Variants in CDH12 observed in about 807,000 individuals in gnomAD.
The protein encoded by CDH12 is cadherin-12.
A neutral mutation model predicts 74.1 loss-of-function variants in CDH12; 41 were observed. The ratio of observed to expected loss-of-function variants is 0.55; its 90% CI spans 0.43 to 0.72. The LOEUF (loss-of-function observed/expected upper bound fraction) is 0.72, where lower values mean the gene tolerates loss of function less well. Ranked by LOEUF, CDH12 falls within the 30% of genes least tolerant of loss-of-function variation. CDH12 has a pLI of 0.00. For missense variants in CDH12, 945 were observed against 977.2 expected (o/e 0.97, Z 0.44); for synonymous variants, 399 against 355.0 (o/e 1.12, Z -1.39).
At chr5:22,721,104 C>T (rs1743858643) in intron 1 of CDH12, among the ~76,000 whole-genome samples, 1 of 152,174 alleles carries the variant, frequency 6.6e-6, no homozygotes, top group African/African-American at 2.4e-5. Context: ...TCAGCTCCTC[C>T]CATCACAGGC....
Position 22,721,681 on chromosome 5 carries a change from C to T in CDH12, c.-523+131377G>A, listed in dbSNP as rs1743898382. Among the ~76,000 whole-genome samples the T allele has an allele frequency of 1.3e-5, 2 of 152,200 alleles. 1 individual carries two copies. On this transcript the variant is annotated intron_variant, in intron 1 of 14. Coordinates refer to ENST00000382254, the MANE Select transcript of CDH12 (RefSeq NM_004061.5). The stretch of plus-strand genomic sequence containing the variant: ...ATGATATGGTTTGTCTCTGTTTTCC[C>T]ACCCAAATCTCATCTTGAATTGTAA...
intron 4 of CDH12, among the ~76,000 whole-genome samples, chr5:22,094,612 A>T (rs1397281018): frequency 6.6e-6 from 1 of 152,038 alleles, no homozygotes; most frequent in East Asian, 1.9e-4. Flanking sequence ...ACAGATTTGA[A>T]CTTAAGAGTG....
At position 22,634,966 on chromosome 5, in the gene CDH12, T is replaced by C. The variant is rs114554383; in HGVS notation, c.-522-129602A>G. ...ATATTTAACACAATCTCTACCAAAA[T>C]CACAGTTGGATTTTTTTTTTTTTGG... On this transcript the variant is annotated intron_variant, in intron 1 of 14. Transcript: ENST00000382254. Among the ~76,000 whole-genome samples the C allele has an allele frequency of 8.2e-3, 1,211 of 146,948 alleles. 14 individuals carry two copies. The highest frequency in any genetic ancestry group is 0.029 in the African/African-American group (1,172 of 39,906).
At chr5:22,690,021 C>T (rs771568006) in intron 1 of CDH12, among the ~76,000 whole-genome samples, 17 of 152,058 alleles carry the variant, frequency 1.1e-4, no homozygotes, top group South Asian at 1.0e-3. Flanking sequence ...TAGATTTAGA[C>T]GGCTATGAGA....
intron 3 of CDH12, among the ~76,000 whole-genome samples, chr5:22,219,329 C>A (rs151105706): frequency 6.6e-6 from 1 of 151,686 alleles, no homozygotes; most frequent in Middle Eastern, 3.4e-3. Flanking sequence ...TTATTATTTA[C>A]TTATTTACGA....
At position 22,414,063 on chromosome 5, in the gene CDH12, A is replaced by T. The variant is rs1044826415; in HGVS notation, c.-427-8712T>A. On this transcript the variant is annotated intron_variant, in intron 2 of 14. Coordinates refer to ENST00000382254, the MANE Select transcript of CDH12 (RefSeq NM_004061.5). ...ATAATTTATGTTTATAATTTGTGTG[A>T]GTACATAACTGAACATATTTCACAT... Among the ~76,000 whole-genome samples, 2 of 152,048 alleles carry T rather than the reference A, an allele frequency of 1.3e-5. 1 individual carries two copies. Among genetic ancestry groups the T allele is most frequent in the South Asian group, 4.1e-4 (2 of 4,822 alleles).
chr5:22,262,076 C>A (rs954286247), intron 3 of CDH12, among the ~76,000 whole-genome samples: 1 of 151,772 alleles, frequency 6.6e-6, no homozygotes, highest in Non-Finnish European at 1.5e-5. Context: ...TACTTAATAT[C>A]ATTGCATGGT....
At chr5:22,061,054 T>C (rs1741154607) in intron 5 of CDH12, among the ~76,000 whole-genome samples, 1 of 152,214 alleles carries the variant, frequency 6.6e-6, no homozygotes, top group Non-Finnish European at 1.5e-5. Context: ...CATGAAATTG[T>C]GGAAGACAAA....
chr5:22,102,894 T>C (rs1377988378), intron 4 of CDH12, among the ~76,000 whole-genome samples: 1 of 152,066 alleles, frequency 6.6e-6, no homozygotes, highest in Non-Finnish European at 1.5e-5. Context: ...CCTCATCAGA[T>C]GCCATGAAAT....
At chr5:21,835,936 A>T (rs1373775302) in intron 8 of CDH12, among the ~76,000 whole-genome samples, 1 of 151,810 alleles carries the variant, frequency 6.6e-6, no homozygotes, top group African/African-American at 2.4e-5. Context: ...TAGTCCTTCT[A>T]TGTCATAAAT....
chr5:22,788,647 T>C (rs1243129136), intron 1 of CDH12, among the ~76,000 whole-genome samples: 1 of 147,760 alleles, frequency 6.8e-6, no homozygotes, highest in Non-Finnish European at 1.5e-5. Flanking sequence ...TAATATAATG[T>C]TCATGTGTAA....
intron 3 of CDH12, among the ~76,000 whole-genome samples, chr5:22,328,866 T>A (rs1739231779): frequency 6.6e-6 from 1 of 152,234 alleles, no homozygotes; most frequent in African/African-American, 2.4e-5. Context: ...TAGGACTTTT[T>A]TGCATAGGGC....
intron 5 of CDH12, among the ~76,000 whole-genome samples, chr5:22,004,635 T>A (rs938405898): frequency 2.0e-5 from 3 of 152,180 alleles, no homozygotes; most frequent in African/African-American, 7.2e-5. Flanking sequence ...CCAAATTGAG[T>A]ATTGTTGTCA....
intron 3 of CDH12, among the ~76,000 whole-genome samples, chr5:22,272,466 T>C (rs886194592): frequency 3.5e-4 from 53 of 152,222 alleles, no homozygotes; most frequent in Admixed American, 3.3e-3. Context: ...TCTTTTAATA[T>C]GCTTTAAGGA....
intron 1 of CDH12, among the ~76,000 whole-genome samples, chr5:22,689,846 G>T (rs566065366): frequency 1.4e-4 from 21 of 152,082 alleles, no homozygotes; most frequent in African/African-American, 5.1e-4. Flanking sequence ...GAGATGAGTG[G>T]ACAAAGTCAT....
chr5:21,755,930 C>A, intron 13 of CDH12, 88 bp from the exon 14 acceptor site: 1 of 1,218,596 alleles, frequency 8.2e-7, no homozygotes, highest in Non-Finnish European at 1.2e-6. Context: ...GTAAGAAGCT[C>A]TTCTTGAATC....
intron 3 of CDH12, among the ~76,000 whole-genome samples, chr5:22,256,229 T>A (rs1252467803): frequency 6.6e-6 from 1 of 152,172 alleles, no homozygotes; most frequent in African/African-American, 2.4e-5. Context: ...AAAATATTAC[T>A]ATCGTACATC....
intron 8 of CDH12, among the ~76,000 whole-genome samples, chr5:21,824,153 G>A (rs550409579): frequency 6.6e-6 from 1 of 152,174 alleles, no homozygotes; most frequent in South Asian, 2.1e-4. Flanking sequence ...CAGCAGATGG[G>A]ACATTGAGTT....
At chr5:22,050,438 GAC>G (rs759585995) in intron 5 of CDH12, among the ~76,000 whole-genome samples, 6 of 152,062 alleles carry the variant, frequency 3.9e-5, no homozygotes, top group Non-Finnish European at 7.4e-5. Context: ...AACAAAACCT[GAC>G]ACACAGAGGT....
Sources: allele counts gnomAD v4.1 joint callset (sites outside exome capture counted in the v4.1 genomes callset), GRCh38; gene constraint gnomAD v4.1.1; transcripts MANE v1.5; gene names NCBI Gene and HGNC (gene_info 2026-07-23, HGNC 2026-07-21).